TBC1D22A: variants seen among roughly 807,000 people sequenced by gnomAD.
TBC1D22A encodes putative GTPase activator.
TBC1D22A carries 38 observed loss-of-function variants against 60.2 expected under a neutral mutation model. The observed-to-expected ratio is 0.63, with a 90% CI of 0.49 to 0.83. The LOEUF is 0.83. Among genes scored for constraint, TBC1D22A ranks in the 40% least tolerant of loss-of-function variants. The pLI is 0.00. For missense variants in TBC1D22A, 628 were observed against 701.0 expected, an observed-to-expected ratio of 0.90 and a Z score of 1.18; for synonymous variants, 302 against 281.7, an observed-to-expected ratio of 1.07 and a Z score of -0.72.
chr22:46,897,639 TGTTTTTTTTTGTG>T (rs2068749571), intron 7 of TBC1D22A, among the ~76,000 whole-genome samples: 8 of 135,868 alleles, frequency 5.9e-5, no homozygotes, highest in South Asian at 4.8e-4. Flanking sequence ...TGTTTCGTTT[TGTTTTTTTTTGTG>T]TTTTTTTTTT....
chr22:46,884,494 G>A (rs1423914173), intron 5 of TBC1D22A, among the ~76,000 whole-genome samples: 4 of 152,210 alleles, frequency 2.6e-5, no homozygotes, highest in Non-Finnish European at 4.4e-5. Context: ...CAGCCGGGGA[G>A]GTGGAGACCG....
intron 11 of TBC1D22A, among the ~76,000 whole-genome samples, chr22:47,065,846 C>T (rs1017128152): frequency 4.6e-5 from 7 of 152,148 alleles, no homozygotes; most frequent in Non-Finnish European, 1.0e-4. Flanking sequence ...CCCCTGTGTC[C>T]AGCTGTGCGT....
intron 2 of TBC1D22A, 179 bp downstream of exon 2, chr22:46,792,755 G>T: frequency 6.7e-7 from 1 of 1,482,318 alleles, no homozygotes; most frequent in Non-Finnish European, 9.0e-7. Context: ...CCCGTGCTGC[G>T]CATCCCGGTG....
intron 8 of TBC1D22A, chr22:46,916,096 T>C (rs1053086487): frequency 3.9e-5 from 16 of 409,880 alleles, no homozygotes; most frequent in Admixed American, 7.2e-5. Context: ...TCTGACACTT[T>C]GTTTCCAGTT....
At chr22:46,904,150 C>CCTAT (rs1373418579) in intron 7 of TBC1D22A, among the ~76,000 whole-genome samples, 1 of 74,892 alleles carries the variant, frequency 1.3e-5, no homozygotes, top group Admixed American at 1.4e-4. Flanking sequence ...TATCTACCTA[C>CCTAT]CTACCTACCT....
chr22:46,923,195 G>A (rs534004178), intron 8 of TBC1D22A, among the ~76,000 whole-genome samples: 1 of 152,308 alleles, frequency 6.6e-6, no homozygotes, highest in South Asian at 2.1e-4. Flanking sequence ...AAAATACTTG[G>A]CCATCCCACT....
intron 10 of TBC1D22A, among the ~76,000 whole-genome samples, chr22:47,014,120 A>G (rs1183697518): frequency 1.3e-5 from 2 of 152,118 alleles, no homozygotes; most frequent in Non-Finnish European, 2.9e-5. Context: ...CTCTTTGGGG[A>G]TGCACAGTGC....
intron 11 of TBC1D22A, among the ~76,000 whole-genome samples, chr22:47,110,755 T>C (rs924615724): frequency 2.6e-5 from 4 of 152,198 alleles, no homozygotes; most frequent in Non-Finnish European, 5.9e-5. Flanking sequence ...GAACTGGAGT[T>C]TGGGGAACCC....
At position 47,009,349 on chromosome 22, in the gene TBC1D22A, CCAT is replaced by C. The variant is rs1029486775; in HGVS notation, c.1201+11649_1201+11651del. ...CATCACCATCATTATGTCATCACCA[CCAT>C]CATCATCACCATCACCATCATCATT... On this transcript the variant is annotated intron_variant, in intron 10 of 12. Coordinates refer to ENST00000337137, the MANE Select transcript of TBC1D22A (RefSeq NM_014346.5). This position sits in a 1 kb window ranked among gnomAD's most constrained non-coding sequence, Gnocchi z 5.8. Among the ~76,000 whole-genome samples the C allele has an allele frequency of 1.3e-5, 2 of 151,440 alleles. No homozygotes were observed. The highest frequency in any genetic ancestry group is 1.9e-4 in the East Asian group (1 of 5,146).
intron 4 of TBC1D22A, among the ~76,000 whole-genome samples, chr22:46,802,876 G>A (rs1250904237): frequency 6.6e-6 from 1 of 151,932 alleles, no homozygotes; most frequent in African/African-American, 2.4e-5. Context: ...GCGTGAGTCG[G>A]GGGCTGATGA....
At chr22:47,164,203 C>T (rs907445973) in intron 12 of TBC1D22A, among the ~76,000 whole-genome samples, 6 of 152,226 alleles carry the variant, frequency 3.9e-5, no homozygotes, top group African/African-American at 1.4e-4. Flanking sequence ...AGCCCCTCCC[C>T]GCAGGCCGTT....
intron 1 of TBC1D22A, chr22:46,763,394 G>GTTTTTTTTTTTTTTTT (rs61285872): frequency 6.0e-5 from 4 of 66,624 alleles, no homozygotes; most frequent in Non-Finnish European, 1.0e-4. Flanking sequence ...TTAGCAGGAA[G>GTTTTTTTTTTTTTTTT]TTTTTTTTTT....
At chr22:46,868,935 G>T (rs1328762372) in intron 4 of TBC1D22A, among the ~76,000 whole-genome samples, 1 of 99,356 alleles carries the variant, frequency 1.0e-5, no homozygotes, top group East Asian at 2.4e-4. Context: ...GTGTGGGTAG[G>T]AGTAGGTGGG....
intron 8 of TBC1D22A, among the ~76,000 whole-genome samples, chr22:46,942,891 A>T (rs1486412068): frequency 1.3e-5 from 2 of 152,196 alleles, no homozygotes; most frequent in Non-Finnish European, 2.9e-5. Context: ...GGGCTTGACT[A>T]GGAGAGAAAT....
At chr22:46,867,461 A>C (rs1236789368) in intron 4 of TBC1D22A, among the ~76,000 whole-genome samples, 1 of 152,208 alleles carries the variant, frequency 6.6e-6, no homozygotes, top group African/African-American at 2.4e-5. Context: ...ATATACCTTC[A>C]AGGTCCATCA....
At chr22:47,024,397 T>C (rs768856785) in intron 10 of TBC1D22A, among the ~76,000 whole-genome samples, 20 of 152,202 alleles carry the variant, frequency 1.3e-4, no homozygotes, top group Non-Finnish European at 2.2e-4. Flanking sequence ...GCAAATGATC[T>C]AGACACTTTA....
At chr22:47,056,487 G>T (rs1163639073) in intron 11 of TBC1D22A, among the ~76,000 whole-genome samples, 1 of 152,072 alleles carries the variant, frequency 6.6e-6, no homozygotes, top group Non-Finnish European at 1.5e-5. Flanking sequence ...GCAGAAGCCA[G>T]AGAGAAGCTG....
At chr22:47,076,400 CACACACACAT>C (rs764668112) in intron 11 of TBC1D22A, among the ~76,000 whole-genome samples, 2,411 of 115,150 alleles carry the variant, frequency 0.021, 55 homozygotes, top group East Asian at 0.06. Flanking sequence ...CACACACACA[CACACACACAT>C]ATATATATAT....
intron 8 of TBC1D22A, among the ~76,000 whole-genome samples, chr22:46,964,664 G>T (rs2073710080): frequency 6.6e-6 from 1 of 152,184 alleles, no homozygotes; most frequent in Non-Finnish European, 1.5e-5. Context: ...TATCCATCCA[G>T]TTTGGATAGT....
Sources: gnomAD v4.1 joint callset for allele counts (sites outside exome capture counted in the v4.1 genomes callset) on GRCh38, gnomAD v4.1.1 for gene constraint, Gnocchi (gnomAD v3.1) non-coding constraint, MANE v1.5 for transcripts, NCBI Gene and HGNC (gene_info 2026-07-23, HGNC 2026-07-21) for gene names.